The following L1TD1 variants were observed in gnomAD, a reference collection of about 807,000 sequenced individuals.
The protein encoded by L1TD1 is LINE-1 type transposase domain-containing protein 1.
L1TD1 carries 26 observed loss-of-function variants against 25.7 expected under a neutral mutation model. The ratio of observed to expected loss-of-function variants is 1.01; its 90% CI spans 0.74 to 1.40. The LOEUF is 1.40. Among genes scored for constraint, L1TD1 ranks in the 40% most tolerant of loss-of-function variants. The pLI, the probability that L1TD1 is intolerant of heterozygous loss-of-function variation, is 0.00. For synonymous variants in L1TD1, 421 were observed against 335.6 expected, an observed-to-expected ratio of 1.25 and a Z score of -2.78; for missense variants, 1,130 against 975.0, an observed-to-expected ratio of 1.16 and a Z score of -2.12.
intron 2 of L1TD1, among the ~76,000 whole-genome samples, chr1:62,198,660 C>T (rs1670588584): frequency 6.6e-6 from 1 of 152,060 alleles, no homozygotes. Flanking sequence ...AAGCTTTTTT[C>T]CATCCCTAAA....
Position 62,206,667 on chromosome 1 carries a change from T to C in L1TD1, c.39T>C (p.Ala13=). Residue 13 remains alanine (A), a synonymous_variant, in exon 3 of 4, where the codon GCT becomes GCC. Transcript: ENST00000498273. The part of the protein sequence containing the change: ...DVSTSVQSKF[A]RLAKKKENIT... The stretch of plus-strand genomic sequence containing the variant: ...CTACTAGTGTACAATCAAAATTTGC[T>C]AGACTTGCAAAGAAAAAGGAAAATA... The C allele has an allele frequency of 6.5e-7, 1 of 1,547,324 alleles. No homozygotes were observed. Among genetic ancestry groups the C allele is most frequent in the Non-Finnish European group, 8.7e-7 (1 of 1,145,716 alleles).
intron 2 of L1TD1, among the ~76,000 whole-genome samples, chr1:62,203,222 C>G (rs1190868401): frequency 6.7e-6 from 1 of 148,598 alleles, no homozygotes; most frequent in Non-Finnish European, 1.5e-5. Flanking sequence ...TGGGGGTATC[C>G]TATGCACTAC....
intron 1 of L1TD1, among the ~76,000 whole-genome samples, chr1:62,196,011 T>G (rs1157489264): frequency 2.7e-5 from 4 of 149,904 alleles, no homozygotes; most frequent in Non-Finnish European, 5.9e-5. Flanking sequence ...CACTCCAGCC[T>G]GGGCGGCAGA....
chr1:62,211,344 G>A lies in L1TD1; in HGVS notation c.2570G>A (p.Arg857Lys). 6.2e-7 allele frequency: 1 copy of A among 1,609,202 alleles called. No homozygotes were observed. ...TATGTTTTGCATATGCCCACCTTGA[G>A]AGAATTACTGGGGAATAATATACCT... The part of the protein sequence containing the change: ...RDYVLHMPTL[R>K]ELLGNNIP The change falls in exon 4 of 4, where the codon AGA becomes AAA. Residue 857 changes from arginine to lysine, a missense_variant. Arg to Lys is a conservative substitution (Grantham distance 26, BLOSUM62 2). Coordinates refer to ENST00000498273, the MANE Select transcript of L1TD1 (RefSeq NM_019079.5).
rs776798494 is a variant in L1TD1, at chr1:62,196,525, C to T, written c.-114C>T. 2.1e-5 allele frequency: 3 copies of T among 145,680 alleles called. No homozygotes were observed. The highest frequency in any genetic ancestry group is 3.0e-5 in the Non-Finnish European group (2 of 66,480). The allele number at this position is 145,680 out of a possible 1,614,324, so 9.0% of individuals were successfully genotyped here. ...TACAGAGGCGGATGAACTGCTGAGACTTGGTAAGTAGTTTAGTGGATTAGG... is the reference window on the plus strand; with the variant it reads ...TACAGAGGCGGATGAACTGCTGAGATTTGGTAAGTAGTTTAGTGGATTAGG... On this transcript the variant is annotated 5_prime_UTR_variant, in exon 2 of 4. Coordinates refer to ENST00000498273, the MANE Select transcript of L1TD1 (RefSeq NM_019079.5).
chr1:62,200,468 G>A (rs899797293), intron 2 of L1TD1, among the ~76,000 whole-genome samples: 10 of 152,032 alleles, frequency 6.6e-5, no homozygotes, highest in Non-Finnish European at 1.3e-4. Flanking sequence ...ACTGTGCCTG[G>A]CCATAATGTA....
Position 62,211,123 on chromosome 1 carries a change from T to C in L1TD1, c.2349T>C (p.Ile783=), listed in dbSNP as rs2457825. ...GGGCTTCTAGAGAGAGAAGAGAAAT[T>C]ACCTACCAAGGAACAAGAATCAGGT... ...IIRASRERRE[I]TYQGTRIRLT... is the part of the protein sequence containing the mutation. The change falls in exon 4 of 4, where the codon ATT becomes ATC. Residue 783 remains isoleucine (I), a synonymous_variant. Coordinates refer to ENST00000498273, the MANE Select transcript of L1TD1 (RefSeq NM_019079.5). 768 of 1,548,600 alleles carry C rather than the reference T, an allele frequency of 5.0e-4. No individual in the cohort carries two copies. In the African/African-American group the frequency reaches 9.6e-3, roughly 19 times the overall value.
intron 2 of L1TD1, among the ~76,000 whole-genome samples, chr1:62,202,995 T>A (rs533461144): frequency 6.6e-6 from 1 of 152,162 alleles, no homozygotes; most frequent in Admixed American, 6.5e-5. Flanking sequence ...ATTTGTTTTT[T>A]AAAAAAACTG....
Position 62,210,327 on chromosome 1 carries a change from CTG to C in L1TD1, c.1554_1555del (p.Gly519GlufsTer48), listed in dbSNP as rs1557447614. On this transcript the variant is annotated frameshift_variant, in exon 4 of 4. Coordinates refer to ENST00000498273, the MANE Select transcript of L1TD1 (RefSeq NM_019079.5). LOFTEE classifies it low-confidence loss of function (END_TRUNC). Reference sequence around the variant, plus strand: ...CCCTTTAGTTATTTGGTTGGGGACTCTGGGAAGAAAAAGTTGGTGAAACACCA... The same window carrying C: ...CCCTTTAGTTATTTGGTTGGGGACTCGGAAGAAAAAGTTGGTGAAACACCA... 2.5e-6 allele frequency: 4 copies of C among 1,613,730 alleles called. No homozygotes were observed. In the African/African-American group the frequency reaches 4.0e-5, roughly 16 times the overall value.
At chr1:62,203,701 C>G (rs1236338314) in intron 2 of L1TD1, among the ~76,000 whole-genome samples, 1 of 152,226 alleles carries the variant, frequency 6.6e-6, no homozygotes, top group African/African-American at 2.4e-5. Flanking sequence ...GCCTCAGCCT[C>G]CCAAGTAGCT....
rs1314584762 is a variant in L1TD1 at position 62,210,567 on chromosome 1, A to G, written c.1793A>G (p.His598Arg). 1 of 1,613,196 alleles carries G rather than the reference A, an allele frequency of 6.2e-7. No individual in the cohort carries two copies. The highest frequency in any genetic ancestry group is 8.5e-7 in the Non-Finnish European group (1 of 1,179,762). The change falls in exon 4 of 4, where the codon CAC (histidine) becomes CGC (arginine). Residue 598 changes from histidine to arginine, a missense_variant. Coordinates refer to ENST00000498273, the MANE Select transcript of L1TD1 (RefSeq NM_019079.5). ...GAAGAAAAGAAACACAGAACTCTGCACACAGAAGAACTAACATCCAAAGAA... is the reference window on the plus strand; with the variant it reads ...GAAGAAAAGAAACACAGAACTCTGCGCACAGAAGAACTAACATCCAAAGAA... ...KTEEKKHRTL[H>R]TEELTSKEAD... is the part of the protein sequence containing the mutation.
rs1670857770 is a variant in L1TD1, at chr1:62,211,037, CTG to C, written c.2264_2265del (p.Leu755HisfsTer3). 3.9e-6 allele frequency: 6 copies of C among 1,549,590 alleles called. No individual in the cohort carries two copies. Among genetic ancestry groups the C allele is most frequent in the Non-Finnish European group, 5.2e-6 (6 of 1,146,616 alleles). On this transcript the variant is annotated frameshift_variant, in exon 4 of 4. Coordinates refer to ENST00000498273, the MANE Select transcript of L1TD1 (RefSeq NM_019079.5). LOFTEE classifies it low-confidence loss of function (END_TRUNC). ...ACCTAGTAAAATTGATGAAAAGAGA[CTG>C]ACTCCTAGACACATCTTGGTGAAAT... is the stretch of plus-strand genomic sequence containing the variant. ...RVPSKIDEKR[L>X]TPRHILVKFW...
chr1:62,201,799 A>T (rs1246303781), intron 2 of L1TD1, among the ~76,000 whole-genome samples: 3 of 152,196 alleles, frequency 2.0e-5, no homozygotes, highest in Admixed American at 2.0e-4. Flanking sequence ...TTTACAGTTG[A>T]TTCATTCAAA....
chr1:62,210,978 G>T lies in L1TD1; in HGVS notation c.2204G>T (p.Gly735Val). 1 of 1,546,530 alleles carries T rather than the reference G, an allele frequency of 6.5e-7. No individual in the cohort carries two copies. Among genetic ancestry groups the T allele is most frequent in the Non-Finnish European group, 8.7e-7 (1 of 1,145,818 alleles). The change falls in exon 4 of 4, where the codon GGT becomes GTT. Residue 735 changes from glycine to valine, a missense_variant. Coordinates refer to ENST00000498273, the MANE Select transcript of L1TD1 (RefSeq NM_019079.5). ...IDENFAELKK[G>V]SSLEIVSACR... is the part of the protein sequence containing the mutation. Reference sequence around the variant, plus strand: ...GAAAACTTTGCAGAACTAAAGAAAGGTTCAAGTCTTGAGATTGTCAGTGCT... The same window carrying T: ...GAAAACTTTGCAGAACTAAAGAAAGTTTCAAGTCTTGAGATTGTCAGTGCT...
chr1:62,199,570 T>C (rs1271847798), intron 2 of L1TD1, among the ~76,000 whole-genome samples: 2 of 151,206 alleles, frequency 1.3e-5, no homozygotes, highest in Non-Finnish European at 2.9e-5. Flanking sequence ...CGGCTGTAAT[T>C]TTCAGTTTTA....
At chr1:62,204,714 T>C (rs768301762) in intron 2 of L1TD1, among the ~76,000 whole-genome samples, 20 of 152,100 alleles carry the variant, frequency 1.3e-4, no homozygotes, top group Non-Finnish European at 2.8e-4. Context: ...AAATTCTTGG[T>C]TGGGTGCTGA....
At chr1:62,201,823 T>C (rs1307629991) in intron 2 of L1TD1, among the ~76,000 whole-genome samples, 2 of 152,312 alleles carry the variant, frequency 1.3e-5, no homozygotes, top group East Asian at 1.9e-4. Context: ...AGATCCAAAA[T>C]AGGGGGAGCG....
At chr1:62,208,664 A>G (rs1209903353) in intron 3 of L1TD1, among the ~76,000 whole-genome samples, 1 of 152,064 alleles carries the variant, frequency 6.6e-6, no homozygotes, top group African/African-American at 2.4e-5. Context: ...CTTTTTATAG[A>G]GACGAGGTTT....
At position 62,210,376 on chromosome 1, in the gene L1TD1, G is replaced by A; in HGVS notation, c.1602G>A (p.Glu534=). ...VKHQVVHKTQ[E]EEETAVPTSQ... ...ACCAGGTGGTGCACAAAACCCAGGA[G>A]GAAGAGGAAACAGCTGTGCCCACAA... Residue 534 remains glutamate, a synonymous_variant, in exon 4 of 4, where the codon GAG becomes GAA. Transcript: ENST00000498273. 6.2e-7 allele frequency: 1 copy of A among 1,613,932 alleles called. No individual in the cohort carries two copies.
Sources: allele counts gnomAD v4.1 joint callset (sites outside exome capture counted in the v4.1 genomes callset), GRCh38; gene constraint gnomAD v4.1.1; transcripts MANE v1.5; gene names NCBI Gene and HGNC (gene_info 2026-07-23, HGNC 2026-07-21).